NXPE4: variants seen among roughly 807,000 people sequenced by gnomAD.
NXPE4 encodes the protein neurexophilin and PC-esterase domain family member 4, also known as NXPE family member 4.
A neutral mutation model predicts 33.3 loss-of-function variants in NXPE4; 42 were observed. That is an observed-to-expected ratio of 1.26 (90% CI 0.98 to 1.63). NXPE4 has a LOEUF of 1.63. Among genes scored for constraint, NXPE4 ranks in the 40% most tolerant of loss-of-function variants. The pLI, the probability that NXPE4 is intolerant of heterozygous loss-of-function variation, is 0.00. For synonymous variants in NXPE4, 253 were observed against 234.9 expected (o/e 1.08, Z -0.71); for missense variants, 709 against 647.6 (o/e 1.09, Z -1.03).
At chr11:114,668,918 A>G in the NXPE4 span, among the ~76,000 whole-genome samples, 1 of 152,128 alleles carries the variant, frequency 6.6e-6, no homozygotes, top group African/African-American at 2.4e-5. Flanking sequence ...TTTAAGAAAA[A>G]TGACTGAATT....
chr11:114,631,893 A>T, the NXPE4 span, among the ~76,000 whole-genome samples: 2 of 151,506 alleles, frequency 1.3e-5, no homozygotes. Context: ...GTGGATAATA[A>T]GTATTGCCTC....
At chr11:114,672,006 G>T in the NXPE4 span, among the ~76,000 whole-genome samples, 3 of 152,034 alleles carry the variant, frequency 2.0e-5, no homozygotes, top group African/African-American at 7.2e-5. Flanking sequence ...CAATCATGGT[G>T]AAGGCAAAAG....
the NXPE4 span, among the ~76,000 whole-genome samples, chr11:114,615,231 G>T: frequency 7.9e-5 from 12 of 151,958 alleles, no homozygotes; most frequent in Admixed American, 2.6e-4. Context: ...TCGCCTCTTG[G>T]GTAACCACTG....
chr11:114,615,056 C>T, the NXPE4 span, among the ~76,000 whole-genome samples: 7 of 151,878 alleles, frequency 4.6e-5, no homozygotes, highest in African/African-American at 1.7e-4. Flanking sequence ...ATAAGTGTTG[C>T]CTCGTGGGTA....
chr11:114,627,945 G>A, the NXPE4 span, among the ~76,000 whole-genome samples: 1,184 of 151,984 alleles, frequency 7.8e-3, 4 homozygotes, highest in Non-Finnish European at 0.012. Flanking sequence ...AATGGTAAAG[G>A]GATCAACTCA....
rs1298384024 is a variant in NXPE4, at chr11:114,570,695, G to A, written c.*243C>T. ...TGTCTTGACTTCCCATTGGTGAAGAGGGGTATGGCTCTGATCAAGAAGGGT... is the reference window on the plus strand; with the variant it reads ...TGTCTTGACTTCCCATTGGTGAAGAAGGGTATGGCTCTGATCAAGAAGGGT... On this transcript the variant is annotated 3_prime_UTR_variant, in exon 6 of 6. Coordinates refer to ENST00000375478, the MANE Select transcript of NXPE4 (RefSeq NM_001077639.2). 6 of 316,588 alleles carry A rather than the reference G, an allele frequency of 1.9e-5. No homozygotes were observed. Among genetic ancestry groups the A allele is most frequent in the African/African-American group, 4.3e-5 (2 of 46,406 alleles). The allele number at this position is 316,588 out of a possible 1,614,324, so 19.6% of individuals were successfully genotyped here. A position where few individuals can be genotyped will look rare whatever the true frequency, so the allele number is the denominator to read the frequency against.
At position 114,570,986 on chromosome 11, in the gene NXPE4, T is replaced by C. The variant is rs762214503; in HGVS notation, c.1587A>G (p.Gln529=). The change falls in exon 6 of 6, where the codon CAA becomes CAG. Residue 529 remains glutamine (Q), a synonymous_variant. Coordinates refer to ENST00000375478, the MANE Select transcript of NXPE4 (RefSeq NM_001077639.2). ...AYGTNNVHPP[Q]HVVGNQINIL... ...TATTAATCTGATTTCCGACTACATG[T>C]TGAGGTGGGTGTACATTATTTGTGC... is the stretch of plus-strand genomic sequence containing the variant. 21 of 1,611,352 alleles carry C rather than the reference T, an allele frequency of 1.3e-5. No homozygotes were observed. In the African/African-American group the frequency reaches 2.0e-4, roughly 15 times the overall value.
chr11:114,632,992 A>C, the NXPE4 span, among the ~76,000 whole-genome samples: 1 of 104,212 alleles, frequency 9.6e-6, no homozygotes, highest in South Asian at 2.6e-4. Flanking sequence ...ATTTTTATAT[A>C]ATATATAATA....
chr11:114,645,567 A>C, the NXPE4 span, among the ~76,000 whole-genome samples: 1 of 152,208 alleles, frequency 6.6e-6, no homozygotes, highest in Non-Finnish European at 1.5e-5. Context: ...AGTGCAATAA[A>C]AGATACCCTA....
upstream of NXPE4, among the ~76,000 whole-genome samples, chr11:114,599,077 A>T (rs989720776): frequency 1.3e-5 from 2 of 151,946 alleles, no homozygotes; most frequent in African/African-American, 4.8e-5. Context: ...TTTTTTGCAC[A>T]TGCATACGAG....
the NXPE4 span, among the ~76,000 whole-genome samples, chr11:114,632,896 T>G: frequency 3.9e-5 from 2 of 51,734 alleles, no homozygotes; most frequent in Non-Finnish European, 6.8e-5. Flanking sequence ...TATATAATTT[T>G]ATGTAATACA....
At chr11:114,622,075 C>A in the NXPE4 span, among the ~76,000 whole-genome samples, 1 of 151,990 alleles carries the variant, frequency 6.6e-6, no homozygotes, top group Admixed American at 6.6e-5. Context: ...ACCACTGTTA[C>A]CTGGTGGATA....
At chr11:114,662,611 G>GCACAGCT in the NXPE4 span, among the ~76,000 whole-genome samples, 1 of 152,068 alleles carries the variant, frequency 6.6e-6, no homozygotes, top group Non-Finnish European at 1.5e-5. Flanking sequence ...ATTCCAGGCT[G>GCACAGCT]CACAGCTCAC....
At chr11:114,629,334 G>A in the NXPE4 span, among the ~76,000 whole-genome samples, 1 of 152,006 alleles carries the variant, frequency 6.6e-6, no homozygotes, top group Non-Finnish European at 1.5e-5. Flanking sequence ...GATCAAGTGG[G>A]CTTCATCCCT....
the NXPE4 span, among the ~76,000 whole-genome samples, chr11:114,610,675 C>T: frequency 6.6e-6 from 1 of 151,922 alleles, no homozygotes; most frequent in Non-Finnish European, 1.5e-5. Context: ...ATACATGTTG[C>T]CTCGTGGTTA....
At chr11:114,650,867 G>A in the NXPE4 span, among the ~76,000 whole-genome samples, 14 of 152,136 alleles carry the variant, frequency 9.2e-5, no homozygotes, top group African/African-American at 3.4e-4. Flanking sequence ...CCTACCCCAA[G>A]AAACAACAGT....
Position 114,580,119 on chromosome 11 carries a change from G to T in NXPE4, c.1099+13C>A. The stretch of plus-strand genomic sequence containing the variant: ...TGAAAGGGGTAAGAATTATAGCTTA[G>T]ACTGAGGCATACTGTTGATACTGGC... On this transcript the variant is annotated intron_variant, in intron 5 of 5. Coordinates refer to ENST00000375478, the MANE Select transcript of NXPE4 (RefSeq NM_001077639.2). 1 of 1,602,204 alleles carries T rather than the reference G, an allele frequency of 6.2e-7. No individual in the cohort carries two copies. Among genetic ancestry groups the T allele is most frequent in the Non-Finnish European group, 8.6e-7 (1 of 1,169,158 alleles).
At chr11:114,616,346 G>A in the NXPE4 span, among the ~76,000 whole-genome samples, 1 of 138,586 alleles carries the variant, frequency 7.2e-6, no homozygotes, top group Non-Finnish European at 1.6e-5. Context: ...TGATGGATAA[G>A]TGTTGCCTCA....
chr11:114,619,082 TC>T, the NXPE4 span, among the ~76,000 whole-genome samples: 1 of 152,112 alleles, frequency 6.6e-6, no homozygotes, highest in Non-Finnish European at 1.5e-5. Context: ...AAGTATTGCA[TC>T]ATGGGTAACC....
Sources: allele counts gnomAD v4.1 joint callset (sites outside exome capture counted in the v4.1 genomes callset), GRCh38; gene constraint gnomAD v4.1.1; transcripts MANE v1.5; gene names NCBI Gene and HGNC (gene_info 2026-07-23, HGNC 2026-07-21).